The following CR1L variants were observed in gnomAD, a reference collection of about 807,000 sequenced individuals.
The protein encoded by CR1L is complement C3b/C4b receptor 1 like.
Under a neutral mutation model 62.3 loss-of-function variants are expected in CR1L, and 59 were observed. The ratio of observed to expected loss-of-function variants is 0.95; its 90% CI spans 0.77 to 1.18. The LOEUF (loss-of-function observed/expected upper bound fraction) is 1.18, where lower values mean the gene tolerates loss of function less well. Among genes scored for constraint, CR1L ranks in the 50% most tolerant of loss-of-function variants. The probability of loss-of-function intolerance (pLI) is 0.00; values close to 1 mark genes in which losing one functional copy is unlikely to be tolerated. For missense variants in CR1L, 700 were observed against 702.8 expected, an observed-to-expected ratio of 1.00 and a Z score of 0.04; for synonymous variants, 279 against 248.7, an observed-to-expected ratio of 1.12 and a Z score of -1.15.
At chr1:207,676,572 A>G (rs1233397748) in intron 1 of CR1L, among the ~76,000 whole-genome samples, 2 of 152,196 alleles carry the variant, frequency 1.3e-5, no homozygotes, top group African/African-American at 4.8e-5. Flanking sequence ...CCATTCACGT[A>G]AAAATTGTCT....
chr1:207,657,042 C>G (rs1392095829), intron 1 of CR1L: 4 of 577,620 alleles, frequency 6.9e-6, no homozygotes, highest in Non-Finnish European at 1.2e-5. Flanking sequence ...CCTATATTGA[C>G]AAATTCACTG....
intron 1 of CR1L, among the ~76,000 whole-genome samples, chr1:207,648,696 G>T (rs1279004194): frequency 1.3e-5 from 2 of 152,082 alleles, no homozygotes; most frequent in Non-Finnish European, 1.5e-5. Context: ...CCTATTTCAG[G>T]TGTTTTCCTT....
intron 6 of CR1L, 33 bp downstream of exon 6, chr1:207,697,712 A>G (rs1312431405): frequency 1.2e-6 from 2 of 1,613,900 alleles, no homozygotes; most frequent in South Asian, 1.1e-5. Flanking sequence ...TGGTATTTTT[A>G]GCTTGCGTCT....
At chr1:207,717,895 G>A (rs562483064) in intron 11 of CR1L, among the ~76,000 whole-genome samples, 1 of 152,292 alleles carries the variant, frequency 6.6e-6, no homozygotes, top group African/African-American at 2.4e-5. Context: ...CCTTTGGGGT[G>A]AGGAGGGTGG....
At chr1:207,716,697 G>A (rs1654006435) in intron 10 of CR1L, among the ~76,000 whole-genome samples, 1 of 152,040 alleles carries the variant, frequency 6.6e-6, no homozygotes. Flanking sequence ...ATAAACTTAG[G>A]AAAAACACAA....
Position 207,645,302 on chromosome 1 carries a change from C to T in CR1L, c.69C>T (p.Ala23=), listed in dbSNP as rs1398225574. 2 of 1,614,060 alleles carry T rather than the reference C, an allele frequency of 1.2e-6. No homozygotes were observed. Among genetic ancestry groups the T allele is most frequent in the Admixed American group, 1.7e-5 (1 of 60,038 alleles). ...GCTTTCCTGGGTTGCTTCTGGCGGC[C>T]CTGGTGTTGCTGCTGTCCTCCTTCT... ...SRRFPGLLLA[A]LVLLLSSFSD... The change falls in exon 1 of 12, where the codon GCC becomes GCT. Residue 23 remains alanine (A), a synonymous_variant. Transcript: ENST00000508064.
chr1:207,663,366 A>T (rs899626161), intron 1 of CR1L, among the ~76,000 whole-genome samples: 1 of 152,140 alleles, frequency 6.6e-6, no homozygotes. Context: ...CCCCAGCCTC[A>T]CTGCTGCCTT....
At chr1:207,661,330 G>A (rs1571645761) in intron 1 of CR1L, among the ~76,000 whole-genome samples, 1 of 152,300 alleles carries the variant, frequency 6.6e-6, no homozygotes, top group East Asian at 1.9e-4. Flanking sequence ...GGGTGCTCCT[G>A]TATTGGGTGC....
At chr1:207,678,886 G>A (rs1229958521) in intron 3 of CR1L, among the ~76,000 whole-genome samples, 1 of 152,104 alleles carries the variant, frequency 6.6e-6, no homozygotes, top group African/African-American at 2.4e-5. Context: ...TTGGCGTGTG[G>A]CAGCAGAACT....
At chr1:207,682,892 T>G (rs1036330966) in intron 3 of CR1L, among the ~76,000 whole-genome samples, 3 of 152,230 alleles carry the variant, frequency 2.0e-5, no homozygotes, top group Non-Finnish European at 4.4e-5. Context: ...TTTAACATTT[T>G]AAGTATAAAA....
At chr1:207,667,433 C>T (rs1426637379) in intron 1 of CR1L, among the ~76,000 whole-genome samples, 1 of 152,172 alleles carries the variant, frequency 6.6e-6, no homozygotes, top group Non-Finnish European at 1.5e-5. Flanking sequence ...TCATCATTGC[C>T]TTCTGGTCTA....
At chr1:207,701,672 C>G in intron 9 of CR1L, 54 bp downstream of exon 9, 2 of 1,609,432 alleles carry the variant, frequency 1.2e-6, no homozygotes, top group South Asian at 2.2e-5. Context: ...GCAATACTAC[C>G]TTCTAGCCAC....
chr1:207,700,016 T>C (rs1280613216), intron 8 of CR1L, among the ~76,000 whole-genome samples: 1 of 152,212 alleles, frequency 6.6e-6, no homozygotes, highest in Non-Finnish European at 1.5e-5. Flanking sequence ...GAGAGATTCA[T>C]AAATAATAAG....
intron 1 of CR1L, among the ~76,000 whole-genome samples, chr1:207,655,464 C>CT (rs1029054228): frequency 7.2e-5 from 11 of 151,932 alleles, no homozygotes; most frequent in African/African-American, 2.7e-4. Context: ...AGTATTGATT[C>CT]TTTTTGTTTT....
intron 11 of CR1L, 123 bp from the exon 12 acceptor site, chr1:207,723,495 T>G: frequency 2.5e-6 from 2 of 804,970 alleles, no homozygotes; most frequent in Non-Finnish European, 3.9e-6. Flanking sequence ...CAATGGCTTT[T>G]TATAAAAAAT....
At chr1:207,679,872 A>G (rs1256297192) in intron 3 of CR1L, among the ~76,000 whole-genome samples, 1 of 152,200 alleles carries the variant, frequency 6.6e-6, no homozygotes, top group East Asian at 1.9e-4. Flanking sequence ...CCTATATAGT[A>G]TATGATTCCA....
chr1:207,698,422 A>C (rs1172586333), intron 7 of CR1L, among the ~76,000 whole-genome samples: 2 of 152,158 alleles, frequency 1.3e-5, no homozygotes, highest in African/African-American at 2.4e-5. Flanking sequence ...TGGGGTTCTG[A>C]TGGCTGCTGT....
chr1:207,663,461 T>A (rs1178336768), intron 1 of CR1L, among the ~76,000 whole-genome samples: 1 of 152,220 alleles, frequency 6.6e-6, no homozygotes, highest in Non-Finnish European at 1.5e-5. Context: ...GGATATAATC[T>A]CCTGGTGTGC....
chr1:207,675,893 G>A (rs1663682565), intron 1 of CR1L, among the ~76,000 whole-genome samples: 1 of 152,104 alleles, frequency 6.6e-6, no homozygotes, highest in South Asian at 2.1e-4. Flanking sequence ...CTTCTTTATG[G>A]TAAAGTATAG....
Sources: gnomAD v4.1 joint callset for allele counts (sites outside exome capture counted in the v4.1 genomes callset) on GRCh38, gnomAD v4.1.1 for gene constraint, MANE v1.5 for transcripts, NCBI Gene and HGNC (gene_info 2026-07-23, HGNC 2026-07-21) for gene names.